The following CLDN14 variants were observed in gnomAD, a reference collection of about 807,000 sequenced individuals.
CLDN14 encodes claudin-14.
In CLDN14, 2 loss-of-function variants were observed where a neutral mutation model predicts 2.1. The observed-to-expected ratio is 0.96, with a 90% CI of 0.39 to 3.01. The LOEUF (loss-of-function observed/expected upper bound fraction) is 3.01, where lower values mean the gene tolerates loss of function less well. Ranked by LOEUF, CLDN14 falls within the 30% of genes most tolerant of loss-of-function variation. The probability of loss-of-function intolerance (pLI) is 0.09; values close to 1 mark genes in which losing one functional copy is unlikely to be tolerated. For synonymous variants in CLDN14, 136 were observed against 154.4 expected, an observed-to-expected ratio of 0.88 and a Z score of 0.88; for missense variants, 298 against 328.0, an observed-to-expected ratio of 0.91 and a Z score of 0.71.
intron 1 of CLDN14, among the ~76,000 whole-genome samples, chr21:36,546,391 G>A (rs1020088902): frequency 1.3e-5 from 2 of 152,062 alleles, no homozygotes; most frequent in African/African-American, 4.8e-5. Flanking sequence ...AGCTGTGCTT[G>A]TTCTGAGCAA....
chr21:36,510,166 A>G (rs1312298080), intron 2 of CLDN14, among the ~76,000 whole-genome samples: 4 of 152,152 alleles, frequency 2.6e-5, no homozygotes, highest in African/African-American at 9.7e-5. Flanking sequence ...GATCCAAGAC[A>G]TTCTTCCACC....
rs1601633848 is a variant in CLDN14, at chr21:36,550,542, T to G, written c.-220+25869A>C. On this transcript the variant is annotated intron_variant, in intron 1 of 2. Transcript: ENST00000342108. ...GCCAAATCCTGCTCATCGCCAGGGT[T>G]TCTCAGGTGCTGTCTGGAAAGTTGG... Among the ~76,000 whole-genome samples the G allele has an allele frequency of 2.6e-5, 4 of 152,170 alleles. No homozygotes were observed. In the East Asian group the frequency reaches 7.7e-4, roughly 29 times the overall value.
intron 1 of CLDN14, chr21:36,510,610 C>G (rs1340312032): frequency 6.6e-6 from 1 of 152,284 alleles, no homozygotes; most frequent in Non-Finnish European, 1.5e-5. Flanking sequence ...GCCTGTTTCT[C>G]TTGGAGGGAC....
intron 2 of CLDN14, among the ~76,000 whole-genome samples, chr21:36,497,390 GAA>G: frequency 1.7e-5 from 1 of 57,760 alleles, no homozygotes. Flanking sequence ...AGGGAGGGAG[GAA>G]GGAAGGGAGG....
intron 1 of CLDN14, among the ~76,000 whole-genome samples, chr21:36,472,710 A>AAGGACTTTCC (rs1029111272): frequency 6.6e-6 from 1 of 152,210 alleles, no homozygotes; most frequent in African/African-American, 2.4e-5. Flanking sequence ...GGAGGCTGGA[A>AAGGACTTTCC]AGTCCAAGAC....
chr21:36,560,750 G>A (rs2087628862), intron 1 of CLDN14, among the ~76,000 whole-genome samples: 1 of 152,166 alleles, frequency 6.6e-6, no homozygotes, highest in Non-Finnish European at 1.5e-5. Flanking sequence ...CTACAATTCA[G>A]ATGTGCAGAA....
At chr21:36,511,712 G>A (rs2087188287) in intron 1 of CLDN14, among the ~76,000 whole-genome samples, 1 of 152,004 alleles carries the variant, frequency 6.6e-6, no homozygotes, top group Non-Finnish European at 1.5e-5. Context: ...AGCAGATTCA[G>A]ATGTACAAGA....
intron 1 of CLDN14, among the ~76,000 whole-genome samples, chr21:36,515,093 C>T (rs1479953131): frequency 5.3e-5 from 8 of 152,116 alleles, no homozygotes; most frequent in African/African-American, 1.2e-4. Context: ...GAAATTGAAA[C>T]GCTTTTGCAC....
intron 1 of CLDN14, among the ~76,000 whole-genome samples, chr21:36,561,771 G>A (rs530411771): frequency 1.3e-5 from 2 of 152,270 alleles, no homozygotes; most frequent in African/African-American, 4.8e-5. Context: ...TCTCATGGCT[G>A]ACTCCTCCTT....
At chr21:36,538,572 C>T (rs2087451243) in intron 1 of CLDN14, among the ~76,000 whole-genome samples, 1 of 152,038 alleles carries the variant, frequency 6.6e-6, no homozygotes, top group Non-Finnish European at 1.5e-5. Flanking sequence ...CGAGATCGCA[C>T]CACTGCACTC....
intron 1 of CLDN14, among the ~76,000 whole-genome samples, chr21:36,534,251 T>C (rs1263897730): frequency 2.0e-5 from 3 of 152,072 alleles, no homozygotes; most frequent in Non-Finnish European, 2.9e-5. Flanking sequence ...ACAAAAAAAT[T>C]TTTTCATGCT....
At chr21:36,504,704 T>C (rs139510490) in intron 2 of CLDN14, among the ~76,000 whole-genome samples, 2 of 152,346 alleles carry the variant, frequency 1.3e-5, no homozygotes, top group African/African-American at 4.8e-5. Context: ...ACATTTTGCG[T>C]GTAACTCATG....
intron 2 of CLDN14, chr21:36,485,878 G>T: frequency 3.5e-6 from 2 of 565,402 alleles, no homozygotes; most frequent in Non-Finnish European, 5.9e-6. Context: ...ATGTTGCCAA[G>T]CTTTATTTAG....
chr21:36,514,953 A>G (rs2087216089), intron 1 of CLDN14, among the ~76,000 whole-genome samples: 1 of 152,164 alleles, frequency 6.6e-6, no homozygotes, highest in South Asian at 2.1e-4. Context: ...GAGCGACTTG[A>G]AAGTGTTTCA....
intron 1 of CLDN14, among the ~76,000 whole-genome samples, chr21:36,540,664 G>C (rs1020657528): frequency 1.2e-4 from 17 of 146,168 alleles, no homozygotes. Context: ...GGGAGGGACT[G>C]GGGGGCAGGG....
intron 1 of CLDN14, among the ~76,000 whole-genome samples, chr21:36,464,055 G>A (rs2086614057): frequency 6.6e-6 from 1 of 152,142 alleles, no homozygotes; most frequent in Non-Finnish European, 1.5e-5. Flanking sequence ...TTGGAGGAAG[G>A]GCCTGGTGGG....
At chr21:36,518,336 C>T (rs1209686377) in intron 1 of CLDN14, among the ~76,000 whole-genome samples, 2 of 152,198 alleles carry the variant, frequency 1.3e-5, no homozygotes, top group African/African-American at 2.4e-5. Context: ...CGTGGTGGCT[C>T]ATGCCTGTAA....
chr21:36,546,845 C>A (rs1323300232), intron 1 of CLDN14, among the ~76,000 whole-genome samples: 5 of 152,184 alleles, frequency 3.3e-5, no homozygotes. Context: ...TAAATAACCA[C>A]AACAAATCAG....
chr21:36,492,572 T>C (rs7277448), intron 2 of CLDN14, among the ~76,000 whole-genome samples: 37 of 151,402 alleles, frequency 2.4e-4, no homozygotes, highest in Admixed American at 6.6e-4. Context: ...GAGGTTGCAG[T>C]GAGCAGTGAT....
Sources: gnomAD v4.1 joint callset for allele counts (sites outside exome capture counted in the v4.1 genomes callset) on GRCh38, gnomAD v4.1.1 for gene constraint, MANE v1.5 for transcripts, NCBI Gene and HGNC (gene_info 2026-07-23, HGNC 2026-07-21) for gene names.